Variants in TP63 observed in about 807,000 individuals in gnomAD.
TP63 encodes the protein tumor protein 63.
A neutral mutation model predicts 82.8 loss-of-function variants in TP63; 17 were observed. The observed-to-expected ratio is 0.21, with a 90% CI of 0.14 to 0.31. The LOEUF is 0.31. Ranked by LOEUF, TP63 falls within the 10% of genes least tolerant of loss-of-function variation. TP63 has a pLI of 1.00. For missense variants in TP63, 648 were observed against 895.3 expected (o/e 0.72, Z 3.52); for synonymous variants, 330 against 321.7 (o/e 1.03, Z -0.28).
chr3:189,691,338 C>CAAAAAAAAAAAAAAAAAAAAAA (rs781098833), intron 1 of TP63, among the ~76,000 whole-genome samples: 5 of 67,108 alleles, frequency 7.5e-5, no homozygotes, highest in African/African-American at 2.2e-4. Context: ...GACTCCATCT[C>CAAAAAAAAAAAAAAAAAAAAAA]AAAAAAAAAA....
intron 12 of TP63, among the ~76,000 whole-genome samples, chr3:189,889,976 C>G (rs558748210): frequency 5.3e-5 from 8 of 152,298 alleles, no homozygotes; most frequent in Non-Finnish European, 1.2e-4. Flanking sequence ...GCCTTTACTA[C>G]TCTGCCTATG....
intron 3 of TP63, among the ~76,000 whole-genome samples, chr3:189,748,490 T>A: frequency 4.4e-5 from 2 of 45,168 alleles, no homozygotes; most frequent in Non-Finnish European, 8.2e-5. Context: ...AGGCAAAATA[T>A]CTCTACAAGG....
chr3:189,652,153 T>C (rs1406383238), intron 1 of TP63, among the ~76,000 whole-genome samples: 1 of 146,210 alleles, frequency 6.8e-6, no homozygotes, highest in Non-Finnish European at 1.5e-5. Context: ...GTAGATCTAC[T>C]TACAGCTTGC....
At position 189,808,334 on chromosome 3, in the gene TP63, G is replaced by A. The variant is rs151335217; in HGVS notation, c.387G>A (p.Ser129=). The change falls in exon 4 of 14, where the codon TCG becomes TCA. Residue 129 remains serine (S), a synonymous_variant. Coordinates refer to ENST00000264731, the MANE Select transcript of TP63 (RefSeq NM_003722.5). ...SMDQQIQNGS[S]STSPYNTDHA... ...ACCAGCAGATTCAGAACGGCTCCTC[G>A]TCCACCAGTCCCTATAACACAGACC... The A allele has an allele frequency of 2.7e-5, 44 of 1,614,036 alleles. No homozygotes were observed. The African/African-American group carries it at 3.6e-4, about 13-fold the overall frequency.
chr3:189,608,594 A>G, the TP63 span, among the ~76,000 whole-genome samples: 1 of 152,148 alleles, frequency 6.6e-6, no homozygotes, highest in Admixed American at 6.5e-5. Flanking sequence ...CTTGACTTTT[A>G]TACTTTGTAT....
At chr3:189,636,223 G>A (rs4687079) in intron 1 of TP63, among the ~76,000 whole-genome samples, 105,914 of 152,036 alleles carry the variant, frequency 0.7, 37,496 homozygotes, top group East Asian at 0.98. Flanking sequence ...CGCTGCGTCT[G>A]AGCGGTGAGT....
intron 13 of TP63, among the ~76,000 whole-genome samples, chr3:189,892,763 G>A (rs1357007684): frequency 1.3e-5 from 2 of 152,154 alleles, no homozygotes; most frequent in Non-Finnish European, 2.9e-5. Flanking sequence ...CTGCACTCCA[G>A]CCTGGGTGAA....
chr3:189,855,376 A>C (rs1716160095), intron 4 of TP63, among the ~76,000 whole-genome samples: 1 of 152,164 alleles, frequency 6.6e-6, no homozygotes. Context: ...AAGAAATAAA[A>C]TTCAGATTGA....
intron 4 of TP63, among the ~76,000 whole-genome samples, chr3:189,845,674 GTGAA>G (rs1320705625): frequency 1.3e-5 from 2 of 149,644 alleles, no homozygotes; most frequent in Non-Finnish European, 3.0e-5. Flanking sequence ...CATGCCAGAC[GTGAA>G]TTGATCTGGA....
At chr3:189,669,030 A>AC (rs1491557839) in intron 1 of TP63, among the ~76,000 whole-genome samples, 1 of 151,816 alleles carries the variant, frequency 6.6e-6, no homozygotes. Context: ...CCAAAAAAAA[A>AC]ACCTTAAAAT....
the TP63 span, among the ~76,000 whole-genome samples, chr3:189,611,322 A>G: frequency 3.9e-5 from 6 of 152,130 alleles, no homozygotes; most frequent in Admixed American, 3.9e-4. Context: ...GTTTTCGTAT[A>G]TGGTTTAAGG....
At chr3:189,647,049 A>ATCCT (rs1358448146) in intron 1 of TP63, among the ~76,000 whole-genome samples, 1 of 147,008 alleles carries the variant, frequency 6.8e-6, no homozygotes, top group Non-Finnish European at 1.5e-5. Context: ...TGTTTTGTGG[A>ATCCT]TCCTTTTCAT....
chr3:189,792,677 A>G (rs1404271792), intron 3 of TP63, among the ~76,000 whole-genome samples: 2 of 152,076 alleles, frequency 1.3e-5, no homozygotes, highest in African/African-American at 2.4e-5. Flanking sequence ...AGAGAGCTAT[A>G]TGTATACGAT....
At chr3:189,631,365 T>G, upstream of TP63, 4 of 1,505,594 alleles carry the variant, frequency 2.7e-6, no homozygotes, top group Middle Eastern at 5.7e-4. Context: ...CAAATATGTA[T>G]GAAGGAGAGA....
Position 189,731,150 on chromosome 3 carries a change from C to T in TP63, c.63-6590C>T, listed in dbSNP as rs2108784134. 2.6e-5 allele frequency among the ~76,000 whole-genome samples: 4 copies of T among 152,180 alleles called. 1 individual carries two copies. Among genetic ancestry groups the T allele is most frequent in the Admixed American group, 2.6e-4 (4 of 15,282 alleles). On this transcript the variant is annotated intron_variant, in intron 1 of 13. Coordinates refer to ENST00000264731, the MANE Select transcript of TP63 (RefSeq NM_003722.5). ...CTGAGGTCAGGAGTTTTGAGACCAGCCTGGCCAACATGGTGAAACCCCATC... is the reference window on the plus strand; with the variant it reads ...CTGAGGTCAGGAGTTTTGAGACCAGTCTGGCCAACATGGTGAAACCCCATC...
In TP63 at chr3:189,651,636, G is replaced by A. The variant is rs1178047996; in HGVS notation, c.62+20059G>A. ...GGCTGCAGAAATTTGCATAAGTAAC[G>A]AGGAGCCGAATGTTAATCACTGAAA... On this transcript the variant is annotated intron_variant, in intron 1 of 13. Coordinates refer to ENST00000264731, the MANE Select transcript of TP63 (RefSeq NM_003722.5). Among the ~76,000 whole-genome samples the A allele has an allele frequency of 8.9e-5, 13 of 145,974 alleles. 2 individuals carry two copies. The highest frequency in any genetic ancestry group is 3.1e-4 in the African/African-American group (12 of 38,762).
chr3:189,732,393 G>A (rs921400527), intron 1 of TP63, among the ~76,000 whole-genome samples: 1 of 152,164 alleles, frequency 6.6e-6, no homozygotes, highest in Non-Finnish European at 1.5e-5. Flanking sequence ...GTATTGTTTT[G>A]ACCCAAGGTT....
chr3:189,659,804 T>C (rs941288452), intron 1 of TP63, among the ~76,000 whole-genome samples: 2 of 152,082 alleles, frequency 1.3e-5, no homozygotes, highest in African/African-American at 4.8e-5. Context: ...TGATGGTTAG[T>C]GAAGTTAAGC....
At chr3:189,834,210 G>A (rs1230325088) in intron 4 of TP63, among the ~76,000 whole-genome samples, 27 of 152,104 alleles carry the variant, frequency 1.8e-4, no homozygotes, top group Non-Finnish European at 3.4e-4. Flanking sequence ...GCTTTTACTC[G>A]TTCCAAAGCC....
Sources: gnomAD v4.1 joint callset for allele counts (sites outside exome capture counted in the v4.1 genomes callset) on GRCh38, gnomAD v4.1.1 for gene constraint, MANE v1.5 for transcripts, NCBI Gene and HGNC (gene_info 2026-07-23, HGNC 2026-07-21) for gene names.